GRM1: variants seen among roughly 807,000 people sequenced by gnomAD.
GRM1 encodes glutamate metabotropic receptor 1.
In GRM1, 33 loss-of-function variants were observed where a neutral mutation model predicts 90.9. The ratio of observed to expected loss-of-function variants is 0.36; its 90% CI spans 0.28 to 0.49. GRM1 has a LOEUF of 0.49. Ranked by LOEUF, GRM1 falls within the 20% of genes least tolerant of loss-of-function variation. The probability of loss-of-function intolerance (pLI) is 0.99; values close to 1 mark genes in which losing one functional copy is unlikely to be tolerated. For synonymous variants in GRM1, 700 were observed against 613.2 expected (o/e 1.14, Z -2.09); for missense variants, 1,190 against 1,534.3 (o/e 0.78, Z 3.75).
intron 2 of GRM1, among the ~76,000 whole-genome samples, chr6:146,184,833 G>T (rs1273338799): frequency 6.6e-6 from 1 of 152,160 alleles, no homozygotes; most frequent in East Asian, 1.9e-4. Context: ...ATAGAGACAG[G>T]AAAGGAATGT....
chr6:146,386,976 A>C lies in GRM1; in HGVS notation c.1689A>C (p.Lys563Asn), dbSNP rs372316073. The C allele has an allele frequency of 4.0e-4, 641 of 1,612,906 alleles. No homozygotes were observed. The highest frequency in any genetic ancestry group is 5.2e-4 in the Non-Finnish European group (611 of 1,179,152). Residue 563 changes from lysine (K) to asparagine (N), a missense_variant, in exon 6 of 8, where the codon AAA becomes AAC. Physicochemically the swap from Lys to Asn is moderately conservative, Grantham distance 94 (BLOSUM62 0). Coordinates refer to ENST00000282753, the MANE Select transcript of GRM1 (RefSeq NM_001278064.2). ...NEYVQDEFTC[K>N]ACDLGWWPNA... ...ATGTGCAAGATGAGTTCACCTGCAAAGCTTGTGACTTGGGATGGTGGCCCA... is the reference window on the plus strand; with the variant it reads ...ATGTGCAAGATGAGTTCACCTGCAACGCTTGTGACTTGGGATGGTGGCCCA...
rs149839898 is a variant in GRM1, at chr6:146,178,621, G to A, written c.950+19024G>A. Among the ~76,000 whole-genome samples, 35 of 152,222 alleles carry A rather than the reference G, an allele frequency of 2.3e-4. No individual in the cohort carries two copies. In the East Asian group the frequency reaches 3.1e-3, roughly 13 times the overall value. On this transcript the variant is annotated intron_variant, in intron 2 of 7. Transcript: ENST00000282753. Reference sequence around the variant, plus strand: ...GGTGTCACTATCTCATGTCTTCTGCGCTCAATAAGTTTTAGGTTTTGGGAC... The same window carrying A: ...GGTGTCACTATCTCATGTCTTCTGCACTCAATAAGTTTTAGGTTTTGGGAC...
At chr6:146,268,676 G>A (rs911826923) in intron 2 of GRM1, among the ~76,000 whole-genome samples, 1 of 152,158 alleles carries the variant, frequency 6.6e-6, no homozygotes, top group African/African-American at 2.4e-5. Context: ...GAACTTTTCT[G>A]ATTCTTTACC....
At chr6:146,355,958 C>T (rs1448746609) in intron 4 of GRM1, among the ~76,000 whole-genome samples, 1 of 152,148 alleles carries the variant, frequency 6.6e-6, no homozygotes, top group Non-Finnish European at 1.5e-5. Context: ...GAGCACTTTG[C>T]ATAGGTACTG....
chr6:146,143,058 C>T (rs891038191), intron 1 of GRM1, among the ~76,000 whole-genome samples: 2 of 152,156 alleles, frequency 1.3e-5, no homozygotes, highest in Non-Finnish European at 2.9e-5. Context: ...TGTGCGCTAC[C>T]TTGCTAGCAC....
At chr6:146,086,137 A>T (rs552615823) in intron 1 of GRM1, among the ~76,000 whole-genome samples, 2 of 152,068 alleles carry the variant, frequency 1.3e-5, no homozygotes, top group South Asian at 2.1e-4. Flanking sequence ...ATAACTCTGT[A>T]CCTCTTTCTA....
chr6:146,258,470 T>C (rs1167345845), intron 2 of GRM1, among the ~76,000 whole-genome samples: 7 of 151,426 alleles, frequency 4.6e-5, no homozygotes, highest in Admixed American at 1.3e-4. Context: ...CCTCTTTTTG[T>C]TTCTAAGTCT....
At chr6:146,086,055 G>T (rs1776533896) in intron 1 of GRM1, among the ~76,000 whole-genome samples, 1 of 152,082 alleles carries the variant, frequency 6.6e-6, no homozygotes, top group African/African-American at 2.4e-5. Context: ...GGAATAGAGT[G>T]CATTCTTATG....
intron 1 of GRM1, among the ~76,000 whole-genome samples, chr6:146,101,606 C>T (rs888714232): frequency 4.6e-5 from 7 of 152,056 alleles, no homozygotes; most frequent in Non-Finnish European, 1.0e-4. Context: ...ACTGCTCTGC[C>T]AGAGGATCCT....
In GRM1 at chr6:146,437,551, T is replaced by C. The variant is rs1395168535; in HGVS notation, c.*2755T>C. On this transcript the variant is annotated 3_prime_UTR_variant, in exon 8 of 8. Coordinates refer to ENST00000282753, the MANE Select transcript of GRM1 (RefSeq NM_001278064.2). ...TTTCCTTCGGCTTGTTACTGCCTTT[T>C]GTCAAATAATCTTGACAATGCTGTA... 1 of 152,674 alleles carries C rather than the reference T, an allele frequency of 6.5e-6. No homozygotes were observed. Among genetic ancestry groups the C allele is most frequent in the Non-Finnish European group, 1.5e-5 (1 of 68,044 alleles). The allele number at this position is 152,674 out of a possible 1,614,324, so 9.5% of individuals were successfully genotyped here.
chr6:146,338,041 A>G (rs1784837772), intron 3 of GRM1, among the ~76,000 whole-genome samples: 1 of 152,186 alleles, frequency 6.6e-6, no homozygotes, highest in South Asian at 2.1e-4. Context: ...GTCTAAAGAA[A>G]CGTCTTAATC....
intron 2 of GRM1, among the ~76,000 whole-genome samples, chr6:146,298,146 C>T (rs907110173): frequency 6.6e-6 from 1 of 152,172 alleles, no homozygotes; most frequent in African/African-American, 2.4e-5. Context: ...TTATAAACCC[C>T]TAACTTCTTA....
At chr6:146,353,546 A>G (rs531503538) in intron 4 of GRM1, among the ~76,000 whole-genome samples, 1 of 152,334 alleles carries the variant, frequency 6.6e-6, no homozygotes, top group African/African-American at 2.4e-5. Flanking sequence ...GGTGGAGGCA[A>G]GTGCTCTCAC....
At chr6:146,296,102 C>T (rs963208774) in intron 2 of GRM1, among the ~76,000 whole-genome samples, 5 of 152,132 alleles carry the variant, frequency 3.3e-5, no homozygotes. Context: ...TACACATTTT[C>T]TTTATCCAAT....
intron 1 of GRM1, among the ~76,000 whole-genome samples, chr6:146,040,644 T>C (rs1791064406): frequency 6.6e-6 from 1 of 152,032 alleles, no homozygotes; most frequent in Non-Finnish European, 1.5e-5. Flanking sequence ...TTGGAGCTCA[T>C]ATATGTTGTT....
intron 7 of GRM1, among the ~76,000 whole-genome samples, chr6:146,432,032 TTAGTTTGTTTACCTCAG>T (rs1202288557): frequency 6.6e-6 from 1 of 152,172 alleles, no homozygotes; most frequent in Non-Finnish European, 1.5e-5. Flanking sequence ...GACCTGTTCT[TTAGTTTGTTTACCTCAG>T]AAAAGAGTCA....
chr6:146,371,774 T>C lies in GRM1; in HGVS notation c.1602+14080T>C, dbSNP rs369266695. On this transcript the variant is annotated intron_variant, in intron 5 of 7. Coordinates refer to ENST00000282753, the MANE Select transcript of GRM1 (RefSeq NM_001278064.2). Reference sequence around the variant, plus strand: ...ACATAATAATCTCAAGTTCCATCCATGTTGTTGCAAATGACTGGATCTCAT... The same window carrying C: ...ACATAATAATCTCAAGTTCCATCCACGTTGTTGCAAATGACTGGATCTCAT... Among the ~76,000 whole-genome samples the C allele has an allele frequency of 2.2e-4, 34 of 152,262 alleles. No individual in the cohort carries two copies. The East Asian group carries it at 3.9e-3, about 17-fold the overall frequency.
intron 1 of GRM1, among the ~76,000 whole-genome samples, chr6:146,141,118 C>T (rs1390809638): frequency 6.6e-6 from 1 of 152,098 alleles, no homozygotes; most frequent in Non-Finnish European, 1.5e-5. Flanking sequence ...ATTTTTTCTT[C>T]ATGGGTGAAG....
At chr6:146,097,879 A>C (rs1165818376) in intron 1 of GRM1, among the ~76,000 whole-genome samples, 2 of 152,162 alleles carry the variant, frequency 1.3e-5, no homozygotes, top group African/African-American at 4.8e-5. Flanking sequence ...ACCTCTATTT[A>C]TTGCTTATAC....
Sources: gnomAD v4.1 joint callset for allele counts (sites outside exome capture counted in the v4.1 genomes callset) on GRCh38, gnomAD v4.1.1 for gene constraint, MANE v1.5 for transcripts, NCBI Gene and HGNC (gene_info 2026-07-23, HGNC 2026-07-21) for gene names.